The following B3GNT2 variants were observed in gnomAD, a reference collection of about 807,000 sequenced individuals.
The protein encoded by B3GNT2 is N-acetyllactosaminide beta-1,3-N-acetylglucosaminyltransferase 2.
In B3GNT2, 12 loss-of-function variants were observed where a neutral mutation model predicts 27.6. That is an observed-to-expected ratio of 0.44 (90% CI 0.28 to 0.71). B3GNT2 has a LOEUF of 0.71. Among genes scored for constraint, B3GNT2 ranks in the 30% least tolerant of loss-of-function variants. The probability of loss-of-function intolerance (pLI) is 0.17; values close to 1 mark genes in which losing one functional copy is unlikely to be tolerated. For missense variants in B3GNT2, 413 were observed against 488.5 expected (o/e 0.85, Z 1.46); for synonymous variants, 192 against 189.7 (o/e 1.01, Z -0.10).
At chr2:62,214,289 T>C (rs1674531251) in intron 1 of B3GNT2, among the ~76,000 whole-genome samples, 2 of 152,008 alleles carry the variant, frequency 1.3e-5, no homozygotes, top group African/African-American at 2.4e-5. Context: ...ATAAGACATA[T>C]TTGGGAACAT....
intron 1 of B3GNT2, among the ~76,000 whole-genome samples, chr2:62,208,363 A>G (rs900948918): frequency 6.6e-6 from 1 of 152,050 alleles, no homozygotes; most frequent in Non-Finnish European, 1.5e-5. Flanking sequence ...CAGTAAATGT[A>G]ATTTATGCTT....
At chr2:62,198,787 C>T (rs553093325) in intron 1 of B3GNT2, among the ~76,000 whole-genome samples, 2 of 151,878 alleles carry the variant, frequency 1.3e-5, no homozygotes, top group African/African-American at 4.8e-5. Flanking sequence ...CTATACTGTT[C>T]AGATATGTGG....
At chr2:62,217,246 G>A (rs757781277) in intron 1 of B3GNT2, among the ~76,000 whole-genome samples, 3 of 152,158 alleles carry the variant, frequency 2.0e-5, no homozygotes, top group Non-Finnish European at 2.9e-5. Context: ...ACGCAGCAGC[G>A]TTTGCTTCCG....
At chr2:62,203,509 C>A (rs1056250259) in intron 1 of B3GNT2, among the ~76,000 whole-genome samples, 7 of 152,034 alleles carry the variant, frequency 4.6e-5, no homozygotes, top group African/African-American at 1.7e-4. Flanking sequence ...CAAGAGAACC[C>A]TGGGGGTTCC....
At chr2:62,218,084 C>G (rs1674608992) in intron 1 of B3GNT2, among the ~76,000 whole-genome samples, 1 of 148,270 alleles carries the variant, frequency 6.7e-6, no homozygotes, top group Non-Finnish European at 1.5e-5. Context: ...TTCTTAAATT[C>G]TTCTTACGCA....
intron 1 of B3GNT2, among the ~76,000 whole-genome samples, chr2:62,214,717 A>G (rs1177329721): frequency 1.3e-5 from 2 of 152,144 alleles, no homozygotes; most frequent in African/African-American, 2.4e-5. Context: ...CCATTTTACA[A>G]AGGAGGAAAG....
intron 1 of B3GNT2, among the ~76,000 whole-genome samples, chr2:62,209,627 C>G (rs994944298): frequency 6.6e-6 from 1 of 152,232 alleles, no homozygotes; most frequent in Non-Finnish European, 1.5e-5. Flanking sequence ...TACCCGCCCC[C>G]ACGCCGTCAC....
chr2:62,202,000 G>T (rs1437881989), intron 1 of B3GNT2, among the ~76,000 whole-genome samples: 11 of 152,172 alleles, frequency 7.2e-5, no homozygotes, highest in Admixed American at 7.2e-4. Flanking sequence ...TCCATCAGAG[G>T]GTCCCCTGGT....
chr2:62,222,941 G>C lies in B3GNT2; in HGVS notation c.721G>C (p.Val241Leu), dbSNP rs1674747998. Reference sequence around the variant, plus strand: ...TACTTCCTGCCCAGACACTGAGTTTGTTTTCAAGGGCGATGACGATGTTTT... The same window carrying C: ...TACTTCCTGCCCAGACACTGAGTTTCTTTTCAAGGGCGATGACGATGTTTT... ...VSTSCPDTEF[V>L]FKGDDDVFVN... The change falls in exon 2 of 2, where the codon GTT becomes CTT. Residue 241 changes from valine to leucine, a missense_variant. By Grantham distance (32) the Val-to-Leu change is conservative. Transcript: ENST00000301998. The surrounding 1 kb of genome is among the most constrained non-coding windows in gnomAD (Gnocchi z 4.2). 7 of 1,613,890 alleles carry C rather than the reference G, an allele frequency of 4.3e-6. No individual in the cohort carries two copies. The highest frequency in any genetic ancestry group is 5.9e-6 in the Non-Finnish European group (7 of 1,179,948).
chr2:62,219,776 T>C (rs964334979), intron 1 of B3GNT2, among the ~76,000 whole-genome samples: 2 of 152,202 alleles, frequency 1.3e-5, no homozygotes, highest in Admixed American at 6.5e-5. Flanking sequence ...ACTGGAGTTA[T>C]CACGGAAGTC....
chr2:62,205,158 C>T lies in B3GNT2; in HGVS notation c.-10+8803C>T, dbSNP rs548687879. 2.4e-4 allele frequency among the ~76,000 whole-genome samples: 37 copies of T among 152,342 alleles called. No homozygotes were observed. The South Asian group carries it at 6.0e-3, about 25-fold the overall frequency. ...GATCACCTATGGTATATGAAGGGAA[C>T]GTGCAGAGACTCGTTTAAAACTGAG... On this transcript the variant is annotated intron_variant, in intron 1 of 1. Coordinates refer to ENST00000301998, the MANE Select transcript of B3GNT2 (RefSeq NM_006577.6).
At chr2:62,204,182 A>G (rs763219523) in intron 1 of B3GNT2, among the ~76,000 whole-genome samples, 3 of 152,090 alleles carry the variant, frequency 2.0e-5, no homozygotes, top group Non-Finnish European at 4.4e-5. Flanking sequence ...ATGCACCACC[A>G]TGCCTGGCTA....
intron 1 of B3GNT2, among the ~76,000 whole-genome samples, chr2:62,207,519 A>C (rs143861080): frequency 1.8e-4 from 27 of 152,312 alleles, no homozygotes; most frequent in Non-Finnish European, 3.8e-4. Context: ...CGTGGTCCCC[A>C]GCCTTTTTAG....
chr2:62,196,751 C>T (rs1674150985), intron 1 of B3GNT2, among the ~76,000 whole-genome samples: 1 of 152,116 alleles, frequency 6.6e-6, no homozygotes, highest in Admixed American at 6.5e-5. Flanking sequence ...CGGGGCGATG[C>T]GGGCTTTGGC....
chr2:62,203,386 T>C (rs576114838), intron 1 of B3GNT2, among the ~76,000 whole-genome samples: 67 of 152,198 alleles, frequency 4.4e-4, no homozygotes, highest in African/African-American at 1.6e-3. Context: ...TGTAGTGATG[T>C]CTAGGGGACA....
intron 1 of B3GNT2, among the ~76,000 whole-genome samples, chr2:62,214,783 T>A (rs1674542105): frequency 6.6e-6 from 1 of 152,206 alleles, no homozygotes. Context: ...GTAGGTAGCA[T>A]AACCAGAATT....
Position 62,224,660 on chromosome 2 carries a change from A to G in B3GNT2, c.*1246A>G, listed in dbSNP as rs1674790448. ...ACTTTCTTGAAATATTTTTGTTTAT[A>G]GAATTGAAGGTTCTTATCAGATGGG... On this transcript the variant is annotated 3_prime_UTR_variant, in exon 2 of 2. Transcript: ENST00000301998. The G allele has an allele frequency of 6.0e-6, 1 of 167,088 alleles. No individual in the cohort carries two copies. The highest frequency in any genetic ancestry group is 6.5e-5 in the Admixed American group (1 of 15,284). The allele number at this position is 167,088 out of a possible 1,614,324, so 10.4% of individuals were successfully genotyped here. A position where few individuals can be genotyped will look rare whatever the true frequency, so the allele number is the denominator to read the frequency against.
rs145297114 is a variant in B3GNT2 at position 62,219,963 on chromosome 2, A to G, written c.-9-2249A>G. Among the ~76,000 whole-genome samples the G allele has an allele frequency of 5.2e-3, 797 of 152,340 alleles. 5 individuals carry two copies. Among genetic ancestry groups the G allele is most frequent in the African/African-American group, 0.018 (732 of 41,578 alleles). On this transcript the variant is annotated intron_variant, in intron 1 of 1. Coordinates refer to ENST00000301998, the MANE Select transcript of B3GNT2 (RefSeq NM_006577.6). ...AAGTCTGAGAAACATTCAGAAGACC[A>G]ATCTTAGTTTCTATAATAGTGGTGT...
chr2:62,219,073 C>G (rs1674631803), intron 1 of B3GNT2, among the ~76,000 whole-genome samples: 1 of 152,192 alleles, frequency 6.6e-6, no homozygotes, highest in Non-Finnish European at 1.5e-5. Context: ...TTCATGGCCT[C>G]TCCCATAATC....
Sources: allele counts gnomAD v4.1 joint callset (sites outside exome capture counted in the v4.1 genomes callset), GRCh38; gene constraint gnomAD v4.1.1; non-coding constraint Gnocchi (gnomAD v3.1); transcripts MANE v1.5; gene names NCBI Gene and HGNC (gene_info 2026-07-23, HGNC 2026-07-21).